HHLA2: variants seen among roughly 807,000 people sequenced by gnomAD.
The protein encoded by HHLA2 is HERV-H LTR-associating protein 2.
A neutral mutation model predicts 45.9 loss-of-function variants in HHLA2; 48 were observed. That is an observed-to-expected ratio of 1.05 (90% CI 0.83 to 1.33). The LOEUF (loss-of-function observed/expected upper bound fraction) is 1.33, where lower values mean the gene tolerates loss of function less well. Among genes scored for constraint, HHLA2 ranks in the 40% most tolerant of loss-of-function variants. HHLA2 has a pLI of 0.00. For synonymous variants in HHLA2, 161 were observed against 173.9 expected (o/e 0.93, Z 0.59); for missense variants, 462 against 494.3 (o/e 0.93, Z 0.62).
At chr3:108,358,497 G>A (rs2081936332) in intron 7 of HHLA2, among the ~76,000 whole-genome samples, 1 of 152,112 alleles carries the variant, frequency 6.6e-6, no homozygotes. Context: ...CTAGGGTTTG[G>A]GGATTCAAGG....
chr3:108,317,771 C>T (rs558984583), intron 2 of HHLA2, among the ~76,000 whole-genome samples: 1 of 152,092 alleles, frequency 6.6e-6, no homozygotes, highest in African/African-American at 2.4e-5. Flanking sequence ...GACAAGGTTT[C>T]ACCATGTTGG....
intron 2 of HHLA2, among the ~76,000 whole-genome samples, chr3:108,320,137 A>G (rs1367330448): frequency 1.3e-5 from 2 of 152,136 alleles, no homozygotes; most frequent in East Asian, 1.9e-4. Flanking sequence ...GCAGTGTCCA[A>G]CTTTTCATAG....
chr3:108,356,436 CAT>C (rs753159909), intron 6 of HHLA2, among the ~76,000 whole-genome samples: 15 of 152,134 alleles, frequency 9.9e-5, no homozygotes, highest in Non-Finnish European at 2.1e-4. Flanking sequence ...CCTAGCATCT[CAT>C]ATTCTCAAAA....
chr3:108,355,745 A>G (rs2081877838), intron 6 of HHLA2, among the ~76,000 whole-genome samples: 1 of 152,240 alleles, frequency 6.6e-6, no homozygotes, highest in Non-Finnish European at 1.5e-5. Flanking sequence ...TGCTCTTTAA[A>G]AGATCAAAGG....
At chr3:108,345,967 T>C (rs1055166443) in intron 3 of HHLA2, among the ~76,000 whole-genome samples, 2 of 152,310 alleles carry the variant, frequency 1.3e-5, no homozygotes, top group South Asian at 4.1e-4. Flanking sequence ...AGATTGTCCC[T>C]TGTGACTGAG....
At chr3:108,307,835 T>C (rs1232494588) in intron 1 of HHLA2, among the ~76,000 whole-genome samples, 2 of 152,234 alleles carry the variant, frequency 1.3e-5, no homozygotes, top group East Asian at 3.9e-4. Context: ...AATACCACAA[T>C]GCATTTAGTA....
At chr3:108,335,520 C>T (rs939725265) in intron 3 of HHLA2, among the ~76,000 whole-genome samples, 1 of 152,146 alleles carries the variant, frequency 6.6e-6, no homozygotes, top group Non-Finnish European at 1.5e-5. Context: ...GTCATTGTAA[C>T]TTTACCTGAA....
At position 108,371,652 on chromosome 3, in the gene HHLA2, C is replaced by T. The variant is rs547413147; in HGVS notation, c.1109-4098C>T. Among the ~76,000 whole-genome samples the T allele has an allele frequency of 1.6e-4, 25 of 151,908 alleles. No individual in the cohort carries two copies. The South Asian group carries it at 2.9e-3, about 18-fold the overall frequency. On this transcript the variant is annotated intron_variant, in intron 8 of 10. Transcript: ENST00000619531. ...GAAGATCTACCAAGCAAATGACAAACAAAAAAATGCAGGAGTTGCAATCCT... is the reference window on the plus strand; with the variant it reads ...GAAGATCTACCAAGCAAATGACAAATAAAAAAATGCAGGAGTTGCAATCCT...
intron 3 of HHLA2, among the ~76,000 whole-genome samples, chr3:108,347,840 A>C (rs981233966): frequency 1.3e-5 from 2 of 152,142 alleles, no homozygotes; most frequent in African/African-American, 4.8e-5. Context: ...AAGAGTCAAG[A>C]TTGATTTCTA....
chr3:108,350,614 C>T (rs2081759328), intron 3 of HHLA2, among the ~76,000 whole-genome samples: 1 of 152,118 alleles, frequency 6.6e-6, no homozygotes, highest in African/African-American at 2.4e-5. Flanking sequence ...AAATCACATA[C>T]CTCACAACAA....
At chr3:108,347,075 T>C (rs2081674303) in intron 3 of HHLA2, among the ~76,000 whole-genome samples, 1 of 152,160 alleles carries the variant, frequency 6.6e-6, no homozygotes, top group Admixed American at 6.5e-5. Context: ...AGGGTGCTGA[T>C]TGCAACTTGG....
chr3:108,313,495 T>C (rs1473332374), intron 2 of HHLA2, among the ~76,000 whole-genome samples: 1 of 152,192 alleles, frequency 6.6e-6, no homozygotes, highest in Non-Finnish European at 1.5e-5. Context: ...ACCTCCTCTC[T>C]TTCTGGGTTG....
intron 8 of HHLA2, among the ~76,000 whole-genome samples, chr3:108,371,803 C>T (rs978075696): frequency 6.6e-6 from 1 of 152,192 alleles, no homozygotes; most frequent in Non-Finnish European, 1.5e-5. Context: ...GCACCCAATA[C>T]AGGAGCACCC....
intron 7 of HHLA2, among the ~76,000 whole-genome samples, 170 bp downstream of exon 6, chr3:108,358,331 A>T (rs2081933847): frequency 6.6e-6 from 1 of 152,242 alleles, no homozygotes; most frequent in Non-Finnish European, 1.5e-5. Flanking sequence ...TCCTTCAACC[A>T]CACAAAAGTC....
chr3:108,357,882 T>G (rs779908643), exon 7 of HHLA2: 4 of 1,613,290 alleles, frequency 2.5e-6, no homozygotes, highest in Non-Finnish European at 3.4e-6. Flanking sequence ...CGTTTCACTC[T>G]CATGTCAACC....
intron 8 of HHLA2, among the ~76,000 whole-genome samples, chr3:108,364,165 C>G (rs1385458488): frequency 6.6e-6 from 1 of 152,046 alleles, no homozygotes; most frequent in African/African-American, 2.4e-5. Context: ...TCCAACAGGC[C>G]CCAGTGTGTG....
At chr3:108,323,223 G>A (rs537295655) in intron 2 of HHLA2, among the ~76,000 whole-genome samples, 7 of 152,070 alleles carry the variant, frequency 4.6e-5, no homozygotes, top group African/African-American at 9.7e-5. Flanking sequence ...ACAACAGGGC[G>A]GCTATAGTCA....
chr3:108,342,409 G>A (rs2107423891), intron 3 of HHLA2, among the ~76,000 whole-genome samples: 1 of 151,938 alleles, frequency 6.6e-6, no homozygotes, highest in South Asian at 2.1e-4. Context: ...GATTACAGGT[G>A]CCTACCACAA....
At chr3:108,360,203 T>C (rs75163504) in intron 7 of HHLA2, among the ~76,000 whole-genome samples, 1 of 152,156 alleles carries the variant, frequency 6.6e-6, no homozygotes. Context: ...CAACATATCA[T>C]CAACCAGAAC....
Sources: allele counts gnomAD v4.1 joint callset (sites outside exome capture counted in the v4.1 genomes callset), GRCh38; gene constraint gnomAD v4.1.1; transcripts MANE v1.5; gene names NCBI Gene and HGNC (gene_info 2026-07-23, HGNC 2026-07-21).